Variants in POFUT3 observed in about 807,000 individuals in gnomAD.
The protein encoded by POFUT3 is GDP-fucose protein O-fucosyltransferase 3.
chr8:33,455,957 G>C, the POFUT3 span: 2 of 397,674 alleles, frequency 5.0e-6, no homozygotes, highest in Non-Finnish European at 9.8e-6. Flanking sequence ...GAAGGAGTAA[G>C]AAATTATATT....
At chr8:33,361,116 TTCATCACC>T in the POFUT3 span, 1 of 152,176 alleles carries the variant, frequency 6.6e-6, no homozygotes, top group Non-Finnish European at 1.5e-5. Context: ...TAAGATAAAA[TTCATCACC>T]TTTTCTGAGG....
chr8:33,382,530 G>A, the POFUT3 span, among the ~76,000 whole-genome samples: 2 of 152,092 alleles, frequency 1.3e-5, no homozygotes, highest in African/African-American at 4.8e-5. Flanking sequence ...AAGAAGCAGC[G>A]GGAAAGCAGA....
chr8:33,367,042 G>A, the POFUT3 span, among the ~76,000 whole-genome samples: 38 of 152,178 alleles, frequency 2.5e-4, no homozygotes, highest in African/African-American at 6.5e-4. Context: ...TCAGGAGGTC[G>A]AGACCAGCCT....
the POFUT3 span, among the ~76,000 whole-genome samples, chr8:33,394,967 GTCAGTTGC>G: frequency 1.3e-5 from 2 of 152,192 alleles, no homozygotes; most frequent in African/African-American, 4.8e-5. Context: ...TCATTGGCTT[GTCAGTTGC>G]TCAGCTCCAT....
At chr8:33,411,568 G>A in the POFUT3 span, among the ~76,000 whole-genome samples, 9 of 152,058 alleles carry the variant, frequency 5.9e-5, no homozygotes, top group Admixed American at 4.6e-4. Context: ...GTGGGCAATC[G>A]CCTGAGGTCA....
the POFUT3 span, among the ~76,000 whole-genome samples, chr8:33,374,796 C>A: frequency 6.6e-6 from 1 of 152,000 alleles, no homozygotes; most frequent in African/African-American, 2.4e-5. Context: ...AATGAATGTC[C>A]ATTTTAGTGG....
the POFUT3 span, among the ~76,000 whole-genome samples, chr8:33,338,592 C>T: frequency 6.6e-6 from 1 of 152,098 alleles, no homozygotes. Flanking sequence ...TAGAAGAGGT[C>T]TAATGAAGAG....
At chr8:33,335,691 A>G in the POFUT3 span, among the ~76,000 whole-genome samples, 1 of 152,214 alleles carries the variant, frequency 6.6e-6, no homozygotes, top group Non-Finnish European at 1.5e-5. Flanking sequence ...TACCAATAAC[A>G]TAAACAGCCA....
chr8:33,435,836 T>C, the POFUT3 span, among the ~76,000 whole-genome samples: 1 of 151,926 alleles, frequency 6.6e-6, no homozygotes, highest in Non-Finnish European at 1.5e-5. Flanking sequence ...TTTATATATT[T>C]TTTTTCAACT....
chr8:33,462,173 A>AGTGGGGAGGG, the POFUT3 span, among the ~76,000 whole-genome samples: 88 of 3,370 alleles, frequency 0.026, no homozygotes, highest in Middle Eastern at 0.25. Flanking sequence ...GGAAGGGACC[A>AGTGGGGAGGG]GAGTGGTGAA....
chr8:33,411,586 G>A, the POFUT3 span, among the ~76,000 whole-genome samples: 35 of 152,146 alleles, frequency 2.3e-4, no homozygotes, highest in Non-Finnish European at 3.5e-4. Flanking sequence ...TCAGGAGTTC[G>A]AGACCAGCCT....
At chr8:33,366,075 C>T in the POFUT3 span, among the ~76,000 whole-genome samples, 2 of 152,132 alleles carry the variant, frequency 1.3e-5, no homozygotes, top group Non-Finnish European at 1.5e-5. Context: ...TACTATGCAG[C>T]CATAAAAAAG....
At chr8:33,426,449 CAAAG>C in the POFUT3 span, among the ~76,000 whole-genome samples, 1 of 152,102 alleles carries the variant, frequency 6.6e-6, no homozygotes, top group Admixed American at 6.6e-5. Flanking sequence ...AGTGAAGACA[CAAAG>C]AAGCTGTAGG....
the POFUT3 span, among the ~76,000 whole-genome samples, chr8:33,406,987 G>T: frequency 6.6e-6 from 1 of 152,106 alleles, no homozygotes; most frequent in African/African-American, 2.4e-5. Flanking sequence ...GCATAAAAAG[G>T]CCTCACAAAC....
chr8:33,321,046 A>T, the POFUT3 span, among the ~76,000 whole-genome samples: 6 of 151,926 alleles, frequency 3.9e-5, no homozygotes, highest in Non-Finnish European at 7.4e-5. Context: ...GATTCATAAG[A>T]CCTCCACCTG....
the POFUT3 span, among the ~76,000 whole-genome samples, chr8:33,460,996 T>C: frequency 6.6e-6 from 1 of 152,076 alleles, no homozygotes; most frequent in East Asian, 1.9e-4. Context: ...CTATTAATAA[T>C]ACAAAAAATT....
At chr8:33,390,521 C>A in the POFUT3 span, among the ~76,000 whole-genome samples, 1 of 124,410 alleles carries the variant, frequency 8.0e-6, no homozygotes. Context: ...AAAAGGAAAG[C>A]AACCAGGTCA....
the POFUT3 span, among the ~76,000 whole-genome samples, chr8:33,368,389 G>T: frequency 6.6e-6 from 1 of 152,124 alleles, no homozygotes; most frequent in African/African-American, 2.4e-5. Context: ...TAAATTAATT[G>T]GTTTAATCCC....
chr8:33,404,786 T>C, the POFUT3 span, among the ~76,000 whole-genome samples: 1 of 152,050 alleles, frequency 6.6e-6, no homozygotes, highest in Admixed American at 6.5e-5. Context: ...ATGGGTACAA[T>C]GTATGTTATT....
Sources: gnomAD v4.1 joint callset for allele counts (sites outside exome capture counted in the v4.1 genomes callset) on GRCh38, gnomAD v4.1.1 for gene constraint, MANE v1.5 for transcripts, NCBI Gene and HGNC (gene_info 2026-07-23, HGNC 2026-07-21) for gene names.